ZBED6: variants seen among roughly 807,000 people sequenced by gnomAD.
The protein encoded by ZBED6 is zinc finger BED domain-containing protein 6.
A neutral mutation model predicts 58.4 loss-of-function variants in ZBED6; 40 were observed. The ratio of observed to expected loss-of-function variants is 0.68; its 90% CI spans 0.53 to 0.89. The LOEUF is 0.89. Ranked by LOEUF, ZBED6 falls within the 40% of genes least tolerant of loss-of-function variation. ZBED6 has a pLI of 0.00. For missense variants in ZBED6, 1,057 were observed against 1,003.9 expected (o/e 1.05, Z -0.71); for synonymous variants, 439 against 350.6 (o/e 1.25, Z -2.82).
intron 3 of ZBED6, among the ~76,000 whole-genome samples, chr1:203,827,694 AAAGT>A (rs1395675521): frequency 1.7e-4 from 26 of 152,052 alleles, no homozygotes; most frequent in African/African-American, 4.1e-4. Flanking sequence ...AAAAAAAAAA[AAAGT>A]AAGGTGACTT....
chr1:203,798,548 C>T (rs1303209073), exon 1 of ZBED6: 2 of 1,536,136 alleles, frequency 1.3e-6, no homozygotes, highest in Admixed American at 2.0e-5. Context: ...GAAGTGATCT[C>T]TTGAGTGATA....
rs188516679 is a variant in ZBED6 at position 203,800,280 on chromosome 1, A to G, written c.2758A>G (p.Thr920Ala). ...TAGTTGGCAATCTGAATGTATCTTT[A>G]CTAAAAATAGCCACTTTCATCCAAA... Residue 920 changes from threonine (T) to alanine (A), a missense_variant, in exon 1 of 17, where the codon ACT becomes GCT. Transcript: ENST00000550078. 22 of 997,608 alleles carry G rather than the reference A, an allele frequency of 2.2e-5. No homozygotes were observed. In the Admixed American group the frequency reaches 2.4e-4, roughly 11 times the overall value. 61.8% of individuals were successfully genotyped at this position (997,608 alleles called of 1,614,324 possible).
chr1:203,811,531 C>T (rs1674491993), intron 1 of ZBED6, among the ~76,000 whole-genome samples: 1 of 152,022 alleles, frequency 6.6e-6, no homozygotes, highest in South Asian at 2.1e-4. Flanking sequence ...TTTCTGGAGG[C>T]AGAATCTTGC....
chr1:203,799,617 A>G lies in ZBED6; in HGVS notation c.2095A>G (p.Thr699Ala), dbSNP rs1345881117. Residue 699 changes from threonine to alanine, a missense_variant, in exon 1 of 17, where the codon ACC becomes GCC. By Grantham distance (58) the Thr-to-Ala change is moderately conservative. Coordinates refer to ENST00000550078, the Ensembl canonical transcript of ZBED6. ...TATTCTTAAGCCATTTGAGGAGGCT[A>G]CCCAGAAAGTGAGCGTGAAGACCGC... The G allele has an allele frequency of 4.3e-6, 3 of 703,200 alleles. No homozygotes were observed. In the Admixed American group the frequency reaches 6.0e-5, roughly 14 times the overall value. The allele number at this position is 703,200 out of a possible 1,614,324, so 43.6% of individuals were successfully genotyped here.
At position 203,848,411 on chromosome 1, in the gene ZBED6, A is replaced by G. The variant is rs1688450832; in HGVS notation, c.*4322+4A>G. The G allele has an allele frequency of 6.2e-7, 1 of 1,602,794 alleles. No individual in the cohort carries two copies. The highest frequency in any genetic ancestry group is 1.1e-5 in the South Asian group (1 of 88,486). ...TATTAGAACAGAAGCTAAAGAGGTA[A>G]ATTTAAGATTATTGTATGGTTTTGT... On this transcript the variant is annotated splice_donor_region_variant and intron_variant, in intron 13 of 16. Transcript: ENST00000550078.
chr1:203,841,347 G>A (rs1406680006), intron 11 of ZBED6, among the ~76,000 whole-genome samples: 3 of 151,826 alleles, frequency 2.0e-5, no homozygotes, highest in Non-Finnish European at 2.9e-5. Context: ...ATTAGGGAGT[G>A]GTGATGACTC....
intron 3 of ZBED6, among the ~76,000 whole-genome samples, chr1:203,819,176 GTA>G (rs199790996): frequency 6.8e-6 from 1 of 148,030 alleles, no homozygotes; most frequent in South Asian, 2.1e-4. Context: ...ATATGTGTGT[GTA>G]TATATATACA....
intron 2 of ZBED6, among the ~76,000 whole-genome samples, chr1:203,817,722 A>C (rs1242092533): frequency 1.3e-5 from 2 of 151,984 alleles, no homozygotes; most frequent in Non-Finnish European, 2.9e-5. Context: ...TATATGTTAA[A>C]AAAATTTGTT....
intron 9 of ZBED6, among the ~76,000 whole-genome samples, chr1:203,837,633 CCTGA>C (rs998653524): frequency 3.3e-5 from 5 of 152,074 alleles, no homozygotes; most frequent in East Asian, 1.9e-4. Context: ...TGCCACCATG[CCTGA>C]CTATTTTTTA....
At chr1:203,835,296 C>G (rs945382826) in intron 9 of ZBED6, among the ~76,000 whole-genome samples, 2 of 152,160 alleles carry the variant, frequency 1.3e-5, no homozygotes, top group African/African-American at 2.4e-5. Flanking sequence ...AAACCATGCA[C>G]AATGCTTGGC....
In ZBED6 at chr1:203,797,714, A is replaced by G. The variant is rs948495184; in HGVS notation, c.192A>G (p.Arg64=). The G allele has an allele frequency of 2.6e-6, 4 of 1,535,082 alleles. No homozygotes were observed. The African/African-American group carries it at 5.5e-5, about 21-fold the overall frequency. Residue 64 remains arginine, a synonymous_variant, in exon 1 of 17, where the codon AGA becomes AGG. Coordinates refer to ENST00000550078, the Ensembl canonical transcript of ZBED6. ...CAAAACAGCCTGCTAAAAAGAAAAG[A>G]AAGAAGGGTTTGCGAATTAAGGGGA... is the stretch of plus-strand genomic sequence containing the variant.
At chr1:203,837,846 C>T in intron 9 of ZBED6, 120 bp from the exon 10 acceptor site, 1 of 879,050 alleles carries the variant, frequency 1.1e-6, no homozygotes, top group East Asian at 2.6e-5. Flanking sequence ...GGTGAACAAA[C>T]ACGCCATATG....
At chr1:203,801,618 T>TAA (rs1333245908) in exon 1 of ZBED6, 1 of 152,586 alleles carries the variant, frequency 6.6e-6, no homozygotes, top group Non-Finnish European at 1.5e-5. Context: ...GAAAATTGAC[T>TAA]AGTATTAAGT....
chr1:203,843,474 C>CTGTGAGCTT (rs1558140000), intron 11 of ZBED6, among the ~76,000 whole-genome samples: 1 of 152,186 alleles, frequency 6.6e-6, no homozygotes, highest in Non-Finnish European at 1.5e-5. Flanking sequence ...GGCTAACCTT[C>CTGTGAGCTT]TGTGAGCTTT....
chr1:203,796,601 G>A (rs969657993), exon 1 of ZBED6: 6 of 396,548 alleles, frequency 1.5e-5, no homozygotes, highest in African/African-American at 1.0e-4. Context: ...TGCTTTTTAG[G>A]GTAAATGTAT....
intron 14 of ZBED6, 49 bp downstream of exon 14, chr1:203,850,075 A>G (rs11240605): frequency 0.14 from 213,443 of 1,566,390 alleles, 15,499 homozygotes; most frequent in Non-Finnish European, 0.15. Context: ...AAATTACCAA[A>G]TTCAACCCAA....
intron 3 of ZBED6, among the ~76,000 whole-genome samples, chr1:203,824,308 A>G (rs920441547): frequency 1.1e-4 from 17 of 151,490 alleles, no homozygotes; most frequent in African/African-American, 4.1e-4. Flanking sequence ...AATAATTTAT[A>G]TTTGTTTTTC....
In ZBED6 at chr1:203,829,904, G is replaced by A; in HGVS notation, c.*3318+8G>A. Reference sequence around the variant, plus strand: ...CAGTCAATATAAAGCAAGGTAAGAAGAGGCTAGATTGGTGCCTCTTATAGC... The same window carrying A: ...CAGTCAATATAAAGCAAGGTAAGAAAAGGCTAGATTGGTGCCTCTTATAGC... On this transcript the variant is annotated splice_region_variant and intron_variant, in intron 6 of 16. Transcript: ENST00000550078. 1 of 1,611,652 alleles carries A rather than the reference G, an allele frequency of 6.2e-7. No homozygotes were observed. Among genetic ancestry groups the A allele is most frequent in the Non-Finnish European group, 8.5e-7 (1 of 1,177,762 alleles).
chr1:203,852,747 C>G (rs1314818526), exon 17 of ZBED6: 1 of 296,006 alleles, frequency 3.4e-6, no homozygotes, highest in Non-Finnish European at 6.4e-6. Flanking sequence ...CTTTTTTCTT[C>G]TTTGTTGTAT....
Sources: allele counts gnomAD v4.1 joint callset (sites outside exome capture counted in the v4.1 genomes callset), GRCh38; gene constraint gnomAD v4.1.1; transcripts MANE v1.5; gene names NCBI Gene and HGNC (gene_info 2026-07-23, HGNC 2026-07-21).